The following OCA2 variants were observed in gnomAD, a reference collection of about 807,000 sequenced individuals.
OCA2 encodes OCA2 melanosomal transmembrane protein.
A neutral mutation model predicts 100.2 loss-of-function variants in OCA2; 77 were observed. The observed-to-expected ratio is 0.77, with a 90% confidence interval of 0.64 to 0.93. The LOEUF is 0.93. OCA2 is among the 40% of genes least tolerant of loss of function. The pLI is 0.00. For missense variants in OCA2, 1,062 were observed against 1,089.1 expected (o/e 0.98, Z 0.35); for synonymous variants, 432 against 439.2 (o/e 0.98, Z 0.21).
rs1390874457 is a variant in OCA2 at position 28,014,825 on chromosome 15, G to C, written c.995C>G (p.Thr332Ser). 4 of 1,613,972 alleles carry C rather than the reference G, an allele frequency of 2.5e-6. No homozygotes were observed. The Admixed American group carries it at 5.0e-5, about 20-fold the overall frequency. ...GCCCGCGAGGATGGCCGTCGCGATG[G>C]TCACCTGGGTTTCTACACTTCCGCG... is the stretch of plus-strand genomic sequence containing the variant. ...YLRGSVETQV[T>S]IATAILAGVY... The change falls in exon 9 of 24, where the codon ACC (threonine) becomes AGC (serine). Residue 332 changes from threonine to serine, a missense_variant. Thr to Ser is a moderately conservative substitution (Grantham distance 58). Coordinates refer to ENST00000354638, the MANE Select transcript of OCA2 (RefSeq NM_000275.3).
the OCA2 span, among the ~76,000 whole-genome samples, chr15:27,725,434 G>C: frequency 6.6e-6 from 1 of 152,302 alleles, no homozygotes; most frequent in African/African-American, 2.4e-5. Flanking sequence ...TGAGCATGAT[G>C]GTGGGTGCCT....
At chr15:28,035,402 A>G (rs1403923010) in intron 2 of OCA2, among the ~76,000 whole-genome samples, 1 of 152,204 alleles carries the variant, frequency 6.6e-6, no homozygotes, top group Non-Finnish European at 1.5e-5. Context: ...CCTCTCTGCA[A>G]ATAGGGGAAG....
intron 4 of OCA2, 114 bp from the exon 5 acceptor site, chr15:28,025,016 C>A (rs933949758): frequency 2.8e-5 from 27 of 957,272 alleles, no homozygotes; most frequent in Non-Finnish European, 4.5e-5. Flanking sequence ...GTTTTGAATT[C>A]TTTCCATAAC....
intron 22 of OCA2, among the ~76,000 whole-genome samples, chr15:27,850,074 A>G (rs2035690234): frequency 6.6e-6 from 1 of 152,226 alleles, no homozygotes; most frequent in Non-Finnish European, 1.5e-5. Context: ...ATTAGCCTAT[A>G]AATGGCACAC....
intron 23 of OCA2, 72 bp downstream of exon 23, chr15:27,844,887 G>A: frequency 9.2e-7 from 1 of 1,092,672 alleles, no homozygotes; most frequent in East Asian, 2.4e-5. Flanking sequence ...CATTTAATGT[G>A]TTATTTTTTT....
chr15:27,985,940 C>G (rs1266720939), intron 12 of OCA2, among the ~76,000 whole-genome samples: 1 of 152,218 alleles, frequency 6.6e-6, no homozygotes. Flanking sequence ...ATCTGCCCAC[C>G]TTGGGCTCCC....
chr15:27,852,845 G>A (rs1313093920), intron 21 of OCA2, among the ~76,000 whole-genome samples: 1 of 122,044 alleles, frequency 8.2e-6, no homozygotes, highest in Admixed American at 8.8e-5. Flanking sequence ...CTGGCCATCA[G>A]AGAAATGCAA....
chr15:27,917,660 A>C (rs759288981), intron 19 of OCA2, among the ~76,000 whole-genome samples: 45 of 152,144 alleles, frequency 3.0e-4, no homozygotes, highest in Non-Finnish European at 5.0e-4. Flanking sequence ...CAGACTGCTC[A>C]TAGAGGGGGG....
At chr15:28,093,723 G>C (rs1398648475) in intron 1 of OCA2, among the ~76,000 whole-genome samples, 1 of 152,148 alleles carries the variant, frequency 6.6e-6, no homozygotes, top group Non-Finnish European at 1.5e-5. Context: ...TGTGAAATAG[G>C]CTGCGGTGCA....
chr15:27,999,262 T>TAC (rs1322847591), intron 9 of OCA2, among the ~76,000 whole-genome samples: 6 of 152,160 alleles, frequency 3.9e-5, no homozygotes, highest in Admixed American at 3.9e-4. Context: ...AAGGATCATA[T>TAC]ACCATGATTA....
chr15:27,768,472 A>T (rs537561678), intron 23 of OCA2, among the ~76,000 whole-genome samples: 2 of 152,262 alleles, frequency 1.3e-5, no homozygotes, highest in Admixed American at 1.3e-4. Flanking sequence ...GGAATTTGTG[A>T]TACAAAGAAC....
At chr15:28,005,528 C>A (rs1041995112) in intron 9 of OCA2, among the ~76,000 whole-genome samples, 6 of 152,122 alleles carry the variant, frequency 3.9e-5, no homozygotes, top group Non-Finnish European at 7.4e-5. Context: ...CCTCACCTTC[C>A]CCTAACACCC....
intron 18 of OCA2, chr15:27,950,580 T>G (rs765306428): frequency 1.9e-6 from 1 of 515,734 alleles, no homozygotes; most frequent in South Asian, 1.4e-5. Context: ...AAGTTGGATT[T>G]GAGATTATCA....
chr15:28,085,517 G>A (rs1261342852), intron 1 of OCA2, among the ~76,000 whole-genome samples: 1 of 152,170 alleles, frequency 6.6e-6, no homozygotes, highest in Non-Finnish European at 1.5e-5. Flanking sequence ...GGGCAAGAGT[G>A]AGGAATGTCT....
intron 23 of OCA2, among the ~76,000 whole-genome samples, chr15:27,841,626 T>C (rs1039499343): frequency 6.6e-6 from 1 of 152,206 alleles, no homozygotes; most frequent in African/African-American, 2.4e-5. Flanking sequence ...AAATTTAAAA[T>C]ACAAAAATAA....
chr15:28,076,446 A>T (rs938913420), intron 2 of OCA2, among the ~76,000 whole-genome samples: 6 of 152,226 alleles, frequency 3.9e-5, no homozygotes, highest in Non-Finnish European at 8.8e-5. Context: ...TGAAAGGGCA[A>T]ATTTCAAGGT....
intron 23 of OCA2, among the ~76,000 whole-genome samples, chr15:27,803,485 G>A (rs1009139631): frequency 5.3e-5 from 8 of 152,160 alleles, no homozygotes; most frequent in Non-Finnish European, 8.8e-5. Flanking sequence ...AGCCCATCAC[G>A]AAATGACAAA....
At chr15:27,849,484 A>T (rs1474571751) in intron 22 of OCA2, among the ~76,000 whole-genome samples, 1 of 152,068 alleles carries the variant, frequency 6.6e-6, no homozygotes, top group Non-Finnish European at 1.5e-5. Flanking sequence ...GCTTATTTGA[A>T]TAGTTCTTAG....
intron 2 of OCA2, among the ~76,000 whole-genome samples, chr15:28,069,415 CCCCTCCCCCTCCCCCTCCCCCTCT>C (rs2044143212): frequency 3.4e-5 from 1 of 29,662 alleles, no homozygotes; most frequent in Non-Finnish European, 4.8e-5. Context: ...CTTCCCCCTC[CCCCTCCCCCTCCCCCTCCCCCTCT>C]CCCCGGTCTC....
Sources: gnomAD v4.1 joint callset for allele counts (sites outside exome capture counted in the v4.1 genomes callset) on GRCh38, gnomAD v4.1.1 for gene constraint, MANE v1.5 for transcripts, NCBI Gene and HGNC (gene_info 2026-07-23, HGNC 2026-07-21) for gene names.